GPC3: variants seen among roughly 807,000 people sequenced by gnomAD.
GPC3 encodes the protein glypican-3.
A neutral mutation model predicts 34.4 loss-of-function variants in GPC3; 3 were observed. That is an observed-to-expected ratio of 0.09 (90% CI 0.04 to 0.23). GPC3 has a LOEUF of 0.23. Among genes scored for constraint, GPC3 ranks in the 10% least tolerant of loss-of-function variants. The pLI is 1.00. For missense variants in GPC3, 351 were observed against 445.6 expected (o/e 0.79, Z 1.91); for synonymous variants, 177 against 174.0 (o/e 1.02, Z -0.13).
chrX:133,638,050 A>G (rs1469243138), intron 6 of GPC3, among the ~76,000 whole-genome samples: 2 of 111,755 alleles, frequency 1.8e-5, no homozygotes, highest in African/African-American at 6.5e-5. Flanking sequence ...TCTATTTTCA[A>G]TGCAGCACAA....
intron 5 of GPC3, among the ~76,000 whole-genome samples, chrX:133,689,797 G>A (rs1366060750): frequency 8.9e-6 from 1 of 111,777 alleles, no homozygotes; most frequent in Non-Finnish European, 1.9e-5. Flanking sequence ...TAGAAGATAA[G>A]CTGCTTAAAA....
chrX:133,644,620 G>A (rs1004748682), intron 6 of GPC3, among the ~76,000 whole-genome samples: 1 of 111,481 alleles, frequency 9.0e-6, no homozygotes, highest in African/African-American at 3.3e-5. Flanking sequence ...TACTGCTAAT[G>A]TTTTGATATA....
At chrX:133,895,518 C>T (rs760498627) in intron 2 of GPC3, among the ~76,000 whole-genome samples, 103 of 111,370 alleles carry the variant, frequency 9.2e-4, no homozygotes, top group South Asian at 1.2e-3. Flanking sequence ...TCATAGGTAG[C>T]AGCAGATAGA....
At chrX:133,802,914 CTTTT>C (rs751359373) in intron 2 of GPC3, among the ~76,000 whole-genome samples, 1 of 68,552 alleles carries the variant, frequency 1.5e-5, no homozygotes, top group African/African-American at 5.7e-5. Flanking sequence ...GGAAGGTATT[CTTTT>C]TTTTTTTTTT....
intron 2 of GPC3, among the ~76,000 whole-genome samples, chrX:133,887,094 C>T (rs758297045): frequency 3.6e-5 from 4 of 112,126 alleles, no homozygotes; most frequent in Non-Finnish European, 7.5e-5. Context: ...GTAGCCTCGA[C>T]CTCCCAGGCT....
At chrX:133,647,341 C>G (rs1880973732) in intron 6 of GPC3, among the ~76,000 whole-genome samples, 1 of 112,534 alleles carries the variant, frequency 8.9e-6, no homozygotes, top group Non-Finnish European at 1.9e-5. Context: ...GACATCCGCT[C>G]TGTCTTCTCA....
At chrX:133,728,491 G>A (rs2124461372) in intron 3 of GPC3, among the ~76,000 whole-genome samples, 1 of 112,395 alleles carries the variant, frequency 8.9e-6, no homozygotes, top group Admixed American at 9.4e-5. Flanking sequence ...ATGAATCTCT[G>A]CTGTCACAAA....
At chrX:133,920,839 C>T (rs2076245201) in intron 2 of GPC3, among the ~76,000 whole-genome samples, 1 of 111,428 alleles carries the variant, frequency 9.0e-6, no homozygotes, top group African/African-American at 3.3e-5. Flanking sequence ...ATCCAGCTCC[C>T]CCTAATATTA....
At chrX:133,968,261 C>A (rs1040518779) in intron 1 of GPC3, among the ~76,000 whole-genome samples, 1 of 112,354 alleles carries the variant, frequency 8.9e-6, no homozygotes, top group Non-Finnish European at 1.9e-5. Context: ...CATACATGGC[C>A]GTCGTCTGTC....
At chrX:133,815,156 A>G (rs2075684192) in intron 2 of GPC3, among the ~76,000 whole-genome samples, 1 of 107,899 alleles carries the variant, frequency 9.3e-6, no homozygotes, top group African/African-American at 3.4e-5. Flanking sequence ...AAGCCAGCTA[A>G]CTTGCATTAT....
chrX:133,896,212 T>A (rs1376780508), intron 2 of GPC3, among the ~76,000 whole-genome samples: 2 of 110,682 alleles, frequency 1.8e-5, no homozygotes, highest in Non-Finnish European at 3.8e-5. Context: ...ATAGAAAAAA[T>A]TAGCCAGGCA....
chrX:133,885,421 G>A (rs2076057826), intron 2 of GPC3, among the ~76,000 whole-genome samples: 1 of 111,394 alleles, frequency 9.0e-6, no homozygotes, highest in Non-Finnish European at 1.9e-5. Flanking sequence ...AGGTATCTCG[G>A]CAGCAAAAAT....
chrX:133,816,340 C>A (rs1257169562), intron 2 of GPC3, among the ~76,000 whole-genome samples: 8 of 112,129 alleles, frequency 7.1e-5, no homozygotes, highest in Non-Finnish European at 1.5e-4. Flanking sequence ...CAGGTGTGAG[C>A]AACTGCACCT....
chrX:133,645,537 GA>G (rs975532711), intron 6 of GPC3, among the ~76,000 whole-genome samples: 3 of 110,578 alleles, frequency 2.7e-5, no homozygotes, highest in African/African-American at 9.9e-5. Flanking sequence ...CTTTCGCTTT[GA>G]AAAAAAATAA....
chrX:133,790,162 C>T (rs1190925290), intron 2 of GPC3, among the ~76,000 whole-genome samples: 3 of 110,575 alleles, frequency 2.7e-5, no homozygotes, highest in South Asian at 3.9e-4. Flanking sequence ...GGCTGATTTA[C>T]GAGTGAGAAA....
At chrX:133,609,715 G>A (rs1413321673) in intron 6 of GPC3, among the ~76,000 whole-genome samples, 2 of 112,008 alleles carry the variant, frequency 1.8e-5, no homozygotes, top group Non-Finnish European at 3.8e-5. Flanking sequence ...TTTTTCCACA[G>A]TTGTAAAATT....
chrX:133,735,827 G>A (rs1395682791), intron 3 of GPC3, among the ~76,000 whole-genome samples: 3 of 109,420 alleles, frequency 2.7e-5, no homozygotes, highest in East Asian at 5.8e-4. Flanking sequence ...GCCTGGTGTG[G>A]TGGTGTGTGC....
At chrX:133,742,911 A>G (rs1178468876) in intron 3 of GPC3, among the ~76,000 whole-genome samples, 2 of 112,550 alleles carry the variant, frequency 1.8e-5, no homozygotes, top group African/African-American at 3.2e-5. Flanking sequence ...AAATTAATTC[A>G]CTTTCTGAAT....
chrX:133,890,903 C>G (rs1294565404), intron 2 of GPC3, among the ~76,000 whole-genome samples: 2 of 106,601 alleles, frequency 1.9e-5, no homozygotes, highest in Non-Finnish European at 3.9e-5. Context: ...GTTACTGGTA[C>G]GTGTAATTCC....
Sources: gnomAD v4.1 joint callset for allele counts (sites outside exome capture counted in the v4.1 genomes callset) on GRCh38, gnomAD v4.1.1 for gene constraint, MANE v1.5 for transcripts, NCBI Gene and HGNC (gene_info 2026-07-23, HGNC 2026-07-21) for gene names.